Variants in DNAJC5B observed in about 807,000 individuals in gnomAD.
The protein encoded by DNAJC5B is DnaJ heat shock protein family (Hsp40) member C5 beta.
DNAJC5B carries 23 observed loss-of-function variants against 24.7 expected under a neutral mutation model. The ratio of observed to expected loss-of-function variants is 0.93; its 90% CI spans 0.67 to 1.32. DNAJC5B has a LOEUF of 1.32. Among genes scored for constraint, DNAJC5B ranks in the 40% most tolerant of loss-of-function variants. The probability of loss-of-function intolerance (pLI) is 0.00; values close to 1 mark genes in which losing one functional copy is unlikely to be tolerated. For synonymous variants in DNAJC5B, 101 were observed against 90.1 expected, an observed-to-expected ratio of 1.12 and a Z score of -0.68; for missense variants, 238 against 240.8, an observed-to-expected ratio of 0.99 and a Z score of 0.08.
At chr8:66,055,891 G>A (rs573030653) in intron 3 of DNAJC5B, among the ~76,000 whole-genome samples, 65 of 152,314 alleles carry the variant, frequency 4.3e-4, no homozygotes, top group East Asian at 1.5e-3. Flanking sequence ...GCAGTGAGCC[G>A]AGAGCCGAGA....
At chr8:66,060,737 G>A (rs1373004597) in intron 3 of DNAJC5B, among the ~76,000 whole-genome samples, 1 of 152,172 alleles carries the variant, frequency 6.6e-6, no homozygotes, top group South Asian at 2.1e-4. Context: ...GCTGATCAGA[G>A]CACGTAGCAA....
At chr8:66,046,691 G>A (rs143912075) in intron 2 of DNAJC5B, among the ~76,000 whole-genome samples, 2 of 152,322 alleles carry the variant, frequency 1.3e-5, no homozygotes, top group African/African-American at 4.8e-5. Flanking sequence ...CCCCTCGGGG[G>A]CTACAGGCTG....
chr8:66,021,890 T>C (rs931435744), intron 1 of DNAJC5B, among the ~76,000 whole-genome samples, 185 bp downstream of exon 1: 6 of 152,240 alleles, frequency 3.9e-5, no homozygotes, highest in Non-Finnish European at 8.8e-5. Context: ...CCACTTGTGC[T>C]GCTGGTGATA....
At chr8:66,029,048 G>T (rs1806306142) in intron 1 of DNAJC5B, among the ~76,000 whole-genome samples, 1 of 152,086 alleles carries the variant, frequency 6.6e-6, no homozygotes, top group African/African-American at 2.4e-5. Context: ...TTGCCTCCAT[G>T]GTCTTGCTCA....
In DNAJC5B at chr8:66,076,809, T is replaced by C. The variant is rs1452157536; in HGVS notation, c.269T>C (p.Val90Ala). 2.5e-6 allele frequency: 4 copies of C among 1,614,094 alleles called. No individual in the cohort carries two copies. The highest frequency in any genetic ancestry group is 1.7e-5 in the Admixed American group (1 of 60,008). The change falls in exon 4 of 6, where the codon GTG becomes GCG. Residue 90 changes from valine to alanine, a missense_variant. Transcript: ENST00000276570. The stretch of plus-strand genomic sequence containing the variant: ...AAGTACGGATCGCTGGGACTCTACG[T>C]GGCCGAGCAGTTTGGAGACGAAAAC... ...YDKYGSLGLYVAEQFGDENVN... is the reference protein window; with the variant it reads ...YDKYGSLGLYAAEQFGDENVN...
chr8:66,031,863 C>T (rs1295261158), intron 1 of DNAJC5B, among the ~76,000 whole-genome samples: 2 of 152,198 alleles, frequency 1.3e-5, no homozygotes, highest in Non-Finnish European at 2.9e-5. Context: ...CCCACGCAGA[C>T]ACACCCAGAA....
chr8:66,063,014 A>T (rs1807118994), intron 3 of DNAJC5B, among the ~76,000 whole-genome samples: 1 of 152,200 alleles, frequency 6.6e-6, no homozygotes, highest in African/African-American at 2.4e-5. Flanking sequence ...TGACTCTAAA[A>T]AACAAACAAA....
At chr8:66,098,335 T>G (rs1807999401) in intron 5 of DNAJC5B, among the ~76,000 whole-genome samples, 1 of 152,166 alleles carries the variant, frequency 6.6e-6, no homozygotes, top group Admixed American at 6.5e-5. Context: ...TCCTGAATAC[T>G]GGGACCACAG....
At chr8:66,045,924 A>G (rs1806713511) in intron 2 of DNAJC5B, among the ~76,000 whole-genome samples, 1 of 152,224 alleles carries the variant, frequency 6.6e-6, no homozygotes. Flanking sequence ...TGGTGTACCC[A>G]GTAAAAGTGC....
intron 3 of DNAJC5B, among the ~76,000 whole-genome samples, chr8:66,073,485 ATGTG>A (rs61131925): frequency 0.059 from 8,757 of 149,468 alleles, 822 homozygotes; most frequent in African/African-American, 0.2. Flanking sequence ...GCATGTGTTC[ATGTG>A]TGTGTGTGTG....
chr8:66,053,695 T>C (rs1033999930), intron 3 of DNAJC5B, among the ~76,000 whole-genome samples: 3 of 151,850 alleles, frequency 2.0e-5, no homozygotes, highest in Non-Finnish European at 4.4e-5. Flanking sequence ...AATGGCGCGA[T>C]CTCGGCTCAC....
At chr8:66,091,302 G>C (rs1484533145) in intron 5 of DNAJC5B, among the ~76,000 whole-genome samples, 1 of 152,132 alleles carries the variant, frequency 6.6e-6, no homozygotes, top group African/African-American at 2.4e-5. Context: ...GAAGCACAGG[G>C]GCTGTGAAAG....
intron 3 of DNAJC5B, among the ~76,000 whole-genome samples, chr8:66,075,154 C>T (rs187328549): frequency 6.6e-6 from 1 of 152,102 alleles, no homozygotes; most frequent in African/African-American, 2.4e-5. Context: ...GCAACCTCCA[C>T]CTCCCGGGTT....
intron 1 of DNAJC5B, among the ~76,000 whole-genome samples, chr8:66,024,403 TC>T (rs781174629): frequency 1.5e-5 from 2 of 136,012 alleles, no homozygotes; most frequent in Admixed American, 1.4e-4. Flanking sequence ...GTTTCAGGAT[TC>T]TTTTTTTTTT....
chr8:66,035,774 AC>A (rs977264054), intron 1 of DNAJC5B, among the ~76,000 whole-genome samples: 63 of 152,144 alleles, frequency 4.1e-4, no homozygotes, highest in African/African-American at 1.4e-3. Context: ...GAATCTGACA[AC>A]CCTGTCACAG....
At chr8:66,039,253 T>C (rs7815318) in intron 1 of DNAJC5B, among the ~76,000 whole-genome samples, 27,664 of 152,076 alleles carry the variant, frequency 0.18, 4,731 homozygotes, top group African/African-American at 0.45. Context: ...GAGTCCACTG[T>C]TCACTGGCTG....
intron 3 of DNAJC5B, among the ~76,000 whole-genome samples, chr8:66,068,168 G>A (rs1233962083): frequency 1.3e-5 from 2 of 152,162 alleles, no homozygotes; most frequent in Admixed American, 6.5e-5. Context: ...TGCAATGTTT[G>A]ACACAGAGAT....
chr8:66,027,738 A>T (rs955596778), intron 1 of DNAJC5B, among the ~76,000 whole-genome samples: 1 of 152,136 alleles, frequency 6.6e-6, no homozygotes, highest in Non-Finnish European at 1.5e-5. Flanking sequence ...GTTCCTCTGC[A>T]TGGTAGGAAC....
chr8:66,080,920 G>A (rs1042454951), intron 5 of DNAJC5B, among the ~76,000 whole-genome samples: 6 of 152,062 alleles, frequency 3.9e-5, no homozygotes, highest in Admixed American at 1.3e-4. Flanking sequence ...TATTTCAGCC[G>A]GTTCCTTTAA....
Sources: allele counts gnomAD v4.1 joint callset (sites outside exome capture counted in the v4.1 genomes callset), GRCh38; gene constraint gnomAD v4.1.1; transcripts MANE v1.5; gene names NCBI Gene and HGNC (gene_info 2026-07-23, HGNC 2026-07-21).